NDUFS4: variants seen among roughly 807,000 people sequenced by gnomAD.
NDUFS4 encodes NADH:ubiquinone oxidoreductase subunit S4.
A neutral mutation model predicts 24.3 loss-of-function variants in NDUFS4; 28 were observed. That is an observed-to-expected ratio of 1.15 (90% CI 0.85 to 1.58). NDUFS4 has a LOEUF of 1.58. Ranked by LOEUF, NDUFS4 falls within the 40% of genes most tolerant of loss-of-function variation. The probability of loss-of-function intolerance (pLI) is 0.00; values close to 1 mark genes in which losing one functional copy is unlikely to be tolerated. For missense variants in NDUFS4, 223 were observed against 207.9 expected (o/e 1.07, Z -0.45); for synonymous variants, 93 against 69.7 (o/e 1.34, Z -1.67).
Position 53,562,192 on chromosome 5 carries a change from C to T in NDUFS4, c.98+1432C>T, listed in dbSNP as rs534988131. Among the ~76,000 whole-genome samples, 4 of 151,934 alleles carry T rather than the reference C, an allele frequency of 2.6e-5. No homozygotes were observed. The South Asian group carries it at 6.3e-4, about 24-fold the overall frequency. ...CTAATTTTTGTATTTTTAGTAGAGG[C>T]GGGGTTTCACCATGTTGGTCAGGCT... On this transcript the variant is annotated intron_variant, in intron 1 of 4. Transcript: ENST00000296684.
At chr5:53,627,852 T>C (rs1751278822) in intron 2 of NDUFS4, among the ~76,000 whole-genome samples, 3 of 152,206 alleles carry the variant, frequency 2.0e-5, no homozygotes, top group Admixed American at 2.0e-4. Context: ...CTTCCTCTTT[T>C]CCTAATTGAA....
intron 4 of NDUFS4, among the ~76,000 whole-genome samples, chr5:53,675,580 A>G (rs1158251671): frequency 6.6e-6 from 1 of 152,234 alleles, no homozygotes; most frequent in Non-Finnish European, 1.5e-5. Context: ...ACAGTCACAC[A>G]GAGTTTATAA....
intron 4 of NDUFS4, among the ~76,000 whole-genome samples, chr5:53,662,417 T>C (rs1291150097): frequency 5.3e-5 from 8 of 152,208 alleles, no homozygotes; most frequent in East Asian, 1.9e-4. Context: ...TGAGGATTTT[T>C]GCATCGATGT....
intron 1 of NDUFS4, 134 bp from the exon 2 acceptor site, chr5:53,603,318 T>G: frequency 2.9e-6 from 2 of 701,314 alleles, no homozygotes; most frequent in Non-Finnish European, 4.8e-6. Context: ...TTGTGCCCTC[T>G]TCTCTTTCTT....
chr5:53,610,968 A>T (rs1016530124), intron 2 of NDUFS4, among the ~76,000 whole-genome samples: 2 of 152,058 alleles, frequency 1.3e-5, no homozygotes, highest in African/African-American at 2.4e-5. Flanking sequence ...AAAACCTCAG[A>T]TTCTCTCTTT....
intron 2 of NDUFS4, among the ~76,000 whole-genome samples, chr5:53,613,629 C>A (rs1212195526): frequency 7.0e-6 from 1 of 143,496 alleles, no homozygotes; most frequent in African/African-American, 2.6e-5. Context: ...ATGTATTTCC[C>A]TGTGTCAGTT....
At chr5:53,666,201 C>T (rs1220186917) in intron 4 of NDUFS4, among the ~76,000 whole-genome samples, 7 of 152,122 alleles carry the variant, frequency 4.6e-5, no homozygotes, top group African/African-American at 1.7e-4. Flanking sequence ...TATTATATTT[C>T]ATGTCTGACA....
chr5:53,665,631 C>T lies in NDUFS4; in HGVS notation c.424+7007C>T, dbSNP rs767307932. ...GGCATAGGACCCTCCGAGCCAGGTG[C>T]GGGATATAATCTCCTGGTGTGCCGT... is the stretch of plus-strand genomic sequence containing the variant. On this transcript the variant is annotated intron_variant, in intron 4 of 4. Transcript: ENST00000296684. 3.3e-4 allele frequency among the ~76,000 whole-genome samples: 50 copies of T among 152,200 alleles called. 1 individual carries two copies. Among genetic ancestry groups the T allele is most frequent in the Non-Finnish European group, 2.2e-4 (15 of 68,030 alleles).
chr5:53,636,879 C>T (rs1751571855), intron 2 of NDUFS4, among the ~76,000 whole-genome samples: 1 of 152,154 alleles, frequency 6.6e-6, no homozygotes. Flanking sequence ...CCTGCTCTGG[C>T]TTTGCTGTAA....
intron 4 of NDUFS4, among the ~76,000 whole-genome samples, chr5:53,673,444 C>A (rs1159827857): frequency 6.6e-6 from 1 of 151,906 alleles, no homozygotes; most frequent in Non-Finnish European, 1.5e-5. Context: ...CAAAAGTTGT[C>A]CGGAGATGTG....
intron 2 of NDUFS4, among the ~76,000 whole-genome samples, chr5:53,626,951 T>C (rs1751247886): frequency 6.6e-6 from 1 of 152,200 alleles, no homozygotes; most frequent in Admixed American, 6.5e-5. Flanking sequence ...TCATGAAGTC[T>C]TTGCCCATGC....
intron 4 of NDUFS4, among the ~76,000 whole-genome samples, chr5:53,671,356 A>G (rs1740233562): frequency 6.6e-6 from 1 of 151,934 alleles, no homozygotes; most frequent in Admixed American, 6.6e-5. Context: ...GAAATTGGGG[A>G]GTGGAAAAGA....
chr5:53,681,966 C>T (rs189692902), intron 4 of NDUFS4, among the ~76,000 whole-genome samples: 11 of 147,962 alleles, frequency 7.4e-5, no homozygotes, highest in East Asian at 4.3e-4. Flanking sequence ...CTATACTTAC[C>T]GAGATCAAGA....
intron 2 of NDUFS4, among the ~76,000 whole-genome samples, chr5:53,631,590 G>T (rs545600406): frequency 3.9e-5 from 6 of 152,164 alleles, no homozygotes; most frequent in Non-Finnish European, 7.3e-5. Flanking sequence ...TGCCCATAGA[G>T]GTGGAATCTA....
chr5:53,579,180 T>A (rs942238930), intron 1 of NDUFS4, among the ~76,000 whole-genome samples: 2 of 150,850 alleles, frequency 1.3e-5, no homozygotes, highest in East Asian at 3.8e-4. Flanking sequence ...TCAGTTTTCT[T>A]TCAGAATACA....
intron 4 of NDUFS4, 94 bp from the exon 5 acceptor site, chr5:53,683,021 TAAG>T (rs2111616881): frequency 1.2e-6 from 1 of 825,554 alleles, no homozygotes. Flanking sequence ...AAATGAACAT[TAAG>T]TTAAGTTATA....
At chr5:53,600,279 G>A (rs1750270078) in intron 1 of NDUFS4, among the ~76,000 whole-genome samples, 1 of 151,436 alleles carries the variant, frequency 6.6e-6, no homozygotes, top group African/African-American at 2.4e-5. Flanking sequence ...GATTACAGGT[G>A]TGAGCCGGCC....
chr5:53,648,862 A>T (rs1751938905), intron 3 of NDUFS4, among the ~76,000 whole-genome samples: 1 of 152,150 alleles, frequency 6.6e-6, no homozygotes, highest in Non-Finnish European at 1.5e-5. Context: ...TTACAAAAAC[A>T]CAATATCCCC....
Position 53,658,535 on chromosome 5 carries a change from A to G in NDUFS4, c.351-16A>G. ...AGCTTAATGTTAAATCTTGGAAAAA[A>G]ATTTGTTTCTTACAGGGCTGATCCC... On this transcript the variant is annotated splice_polypyrimidine_tract_variant and intron_variant, in intron 3 of 4. Coordinates refer to ENST00000296684, the MANE Select transcript of NDUFS4 (RefSeq NM_002495.4). The G allele has an allele frequency of 6.2e-7, 1 of 1,603,644 alleles. No individual in the cohort carries two copies. The highest frequency in any genetic ancestry group is 8.5e-7 in the Non-Finnish European group (1 of 1,171,096).
Sources: allele counts gnomAD v4.1 joint callset (sites outside exome capture counted in the v4.1 genomes callset), GRCh38; gene constraint gnomAD v4.1.1; transcripts MANE v1.5; gene names NCBI Gene and HGNC (gene_info 2026-07-23, HGNC 2026-07-21).